ZBTB41: variants seen among roughly 807,000 people sequenced by gnomAD.
The protein encoded by ZBTB41 is zinc finger and BTB domain-containing protein 41.
ZBTB41 carries 42 observed loss-of-function variants against 87.6 expected under a neutral mutation model. The observed-to-expected ratio is 0.48, with a 90% CI of 0.37 to 0.62. ZBTB41 has a LOEUF of 0.62. Among genes scored for constraint, ZBTB41 ranks in the 20% least tolerant of loss-of-function variants. ZBTB41 has a pLI of 0.00. For missense variants in ZBTB41, 799 were observed against 1,078.9 expected (o/e 0.74, Z 3.63); for synonymous variants, 364 against 364.0 (o/e 1.00, Z 0.00).
At position 197,188,205 on chromosome 1, in the gene ZBTB41, A is replaced by G; in HGVS notation, c.1546+87T>C. ...TCTTAAAAAGTCTTTTAGAAGAAAA[A>G]GAGTAATTCAGCTATAGAAGGCTCC... is the stretch of plus-strand genomic sequence containing the variant. On this transcript the variant is annotated intron_variant, in intron 5 of 10. Coordinates refer to ENST00000367405, the MANE Select transcript of ZBTB41 (RefSeq NM_194314.3). 3.4e-6 allele frequency: 5 copies of G among 1,466,216 alleles called. No homozygotes were observed. The South Asian group carries it at 6.2e-5, about 18-fold the overall frequency. The allele number at this position is 1,466,216 out of a possible 1,614,324, so 90.8% of individuals were successfully genotyped here. A position where few individuals can be genotyped will look rare whatever the true frequency, so the allele number is the denominator to read the frequency against.
chr1:197,181,182 T>C (rs1276823269), intron 5 of ZBTB41, 65 bp from the exon 6 acceptor site: 3 of 1,454,720 alleles, frequency 2.1e-6, no homozygotes, highest in Non-Finnish European at 1.8e-6. Flanking sequence ...TTAAATTTAA[T>C]AGGTATGCTG....
rs1659665540 is a variant in ZBTB41 at position 197,178,480 on chromosome 1, C to T, written c.1709G>A (p.Ser570Asn). The change falls in exon 7 of 11, where the codon AGT becomes AAT. Residue 570 changes from serine to asparagine, a missense_variant. By Grantham distance (46) the Ser-to-Asn change is conservative. This residue lies in a region of ZBTB41 where 198 missense variants were observed against 358.4 expected (regional missense o/e 0.55). Coordinates refer to ENST00000367405, the MANE Select transcript of ZBTB41 (RefSeq NM_194314.3). Reference sequence around the variant, plus strand: ...ACTACAAAGGTGAGGCTTTTCTCCACTGTGGATTCTCAAATGTTCTTTCAA... The same window carrying T: ...ACTACAAAGGTGAGGCTTTTCTCCATTGTGGATTCTCAAATGTTCTTTCAA... Reference protein sequence around the residue: ...TTLKEHLRIHSGEKPHLCSIC... With the variant: ...TTLKEHLRIHNGEKPHLCSIC... The T allele has an allele frequency of 6.2e-7, 1 of 1,607,116 alleles. No homozygotes were observed. The highest frequency in any genetic ancestry group is 8.5e-7 in the Non-Finnish European group (1 of 1,176,844).
rs1659128175 is a variant in ZBTB41 at position 197,158,692 on chromosome 1, C to T, written c.*667G>A. On this transcript the variant is annotated 3_prime_UTR_variant, in exon 11 of 11. Transcript: ENST00000367405. ...TTATTCATAACAATTGAAGTATAGG[C>T]AAAAACCAATTATCTGGATTATTAT... 1 of 151,878 alleles carries T rather than the reference C, an allele frequency of 6.6e-6. No homozygotes were observed. The highest frequency in any genetic ancestry group is 2.4e-5 in the African/African-American group (1 of 41,390). The allele number at this position is 151,878 out of a possible 1,614,324, so 9.4% of individuals were successfully genotyped here. A position where few individuals can be genotyped will look rare whatever the true frequency, so the allele number is the denominator to read the frequency against.
At chr1:197,179,770 A>G (rs984802766) in intron 6 of ZBTB41, among the ~76,000 whole-genome samples, 32 of 152,122 alleles carry the variant, frequency 2.1e-4, no homozygotes, top group African/African-American at 7.2e-4. Context: ...AAAGTAAAAC[A>G]TAAAAAATTT....
chr1:197,195,814 C>T (rs1397800466), intron 2 of ZBTB41, among the ~76,000 whole-genome samples: 1 of 151,998 alleles, frequency 6.6e-6, no homozygotes. Context: ...TGATAATTTG[C>T]TGAGAGGAAG....
At position 197,154,430 on chromosome 1, in the gene ZBTB41, T is replaced by C. The variant is rs1197457552; in HGVS notation, c.*4929A>G. 2.6e-5 allele frequency: 4 copies of C among 152,132 alleles called. No homozygotes were observed. Among genetic ancestry groups the C allele is most frequent in the Admixed American group, 6.5e-5 (1 of 15,270 alleles). 9.4% of individuals were successfully genotyped at this position (152,132 alleles called of 1,614,324 possible). A position where few individuals can be genotyped will look rare whatever the true frequency, so the allele number is the denominator to read the frequency against. Reference sequence around the variant, plus strand: ...CTGCATAGGCTAAATTTAAATTGTTTTAGGATTTTTCTCAAGATCATAGAT... The same window carrying C: ...CTGCATAGGCTAAATTTAAATTGTTCTAGGATTTTTCTCAAGATCATAGAT... On this transcript the variant is annotated 3_prime_UTR_variant, in exon 11 of 11. Coordinates refer to ENST00000367405, the MANE Select transcript of ZBTB41 (RefSeq NM_194314.3).
At chr1:197,179,444 T>C (rs1011854985) in intron 6 of ZBTB41, among the ~76,000 whole-genome samples, 23 of 152,252 alleles carry the variant, frequency 1.5e-4, no homozygotes, top group Middle Eastern at 3.4e-3. Flanking sequence ...TAATTATTGA[T>C]AATGATAAGC....
intron 3 of ZBTB41, among the ~76,000 whole-genome samples, chr1:197,191,302 A>G (rs573047416): frequency 1.2e-4 from 18 of 151,944 alleles, no homozygotes; most frequent in Admixed American, 1.1e-3. Context: ...TCTACAAAAA[A>G]TACAAAAATT....
At chr1:197,179,383 C>T (rs1176635102) in intron 6 of ZBTB41, among the ~76,000 whole-genome samples, 1 of 152,064 alleles carries the variant, frequency 6.6e-6, no homozygotes, top group African/African-American at 2.4e-5. Flanking sequence ...GACAAACATA[C>T]TACATTGCCA....
chr1:197,196,453 A>C lies in ZBTB41; in HGVS notation c.1120+2901T>G, dbSNP rs558462255. Among the ~76,000 whole-genome samples, 4 of 152,202 alleles carry C rather than the reference A, an allele frequency of 2.6e-5. No homozygotes were observed. The East Asian group carries it at 7.7e-4, about 29-fold the overall frequency. ...CCACTCCCAACGCCACTCATCTTCC[A>C]AGTCTAAGCTACATTATCATTCTGG... On this transcript the variant is annotated intron_variant, in intron 2 of 10. Transcript: ENST00000367405.
rs779077470 is a variant in ZBTB41, at chr1:197,199,474, CTTCTT to C, written c.995_999del (p.Glu332GlyfsTer3). 1 of 1,613,298 alleles carries C rather than the reference CTTCTT, an allele frequency of 6.2e-7. No homozygotes were observed. The highest frequency in any genetic ancestry group is 8.5e-7 in the Non-Finnish European group (1 of 1,179,802). On this transcript the variant is annotated frameshift_variant, in exon 2 of 11. Coordinates refer to ENST00000367405, the MANE Select transcript of ZBTB41 (RefSeq NM_194314.3). LOFTEE classifies it high-confidence loss of function. ...CCTACAGAATCACCAGCCTCAGGTTCTTCTTCTGCATCATTATGATCCTTTTCACT... is the reference window on the plus strand; with the variant it reads ...CCTACAGAATCACCAGCCTCAGGTTCCTGCATCATTATGATCCTTTTCACT...
chr1:197,167,979 T>C (rs1023645325), intron 10 of ZBTB41, among the ~76,000 whole-genome samples: 1 of 152,116 alleles, frequency 6.6e-6, no homozygotes, highest in Admixed American at 6.5e-5. Context: ...AATGAACCTG[T>C]CATTATTCAC....
chr1:197,162,291 A>C (rs1659221445), intron 10 of ZBTB41, among the ~76,000 whole-genome samples: 1 of 152,188 alleles, frequency 6.6e-6, no homozygotes, highest in South Asian at 2.1e-4. Context: ...TAAAGAAATA[A>C]ACCTTCTACA....
In ZBTB41 at chr1:197,158,975, C is replaced by T; in HGVS notation, c.*384G>A. On this transcript the variant is annotated 3_prime_UTR_variant, in exon 11 of 11. Coordinates refer to ENST00000367405, the MANE Select transcript of ZBTB41 (RefSeq NM_194314.3). ...ATTCCTTCTTAAAGGCTACATGGTCCTCAAACTTGTTTGTAAGAAGGGCTA... is the reference window on the plus strand; with the variant it reads ...ATTCCTTCTTAAAGGCTACATGGTCTTCAAACTTGTTTGTAAGAAGGGCTA... 5.3e-6 allele frequency: 1 copy of T among 190,266 alleles called. No homozygotes were observed. The highest frequency in any genetic ancestry group is 1.1e-5 in the Non-Finnish European group (1 of 91,918). The allele number at this position is 190,266 out of a possible 1,614,324, so 11.8% of individuals were successfully genotyped here.
rs1219799421 is a variant in ZBTB41, at chr1:197,200,318, C to T, written c.156G>A (p.Gln52=). The T allele has an allele frequency of 4.3e-6, 7 of 1,613,992 alleles. No individual in the cohort carries two copies. Among genetic ancestry groups the T allele is most frequent in the Non-Finnish European group, 5.9e-6 (7 of 1,180,030 alleles). The stretch of plus-strand genomic sequence containing the variant: ...TCTGATCTGGAGAGGGAGGAAGTTC[C>T]TGGTAACAGTGAAGAGCTTCAGGAG... ...RPTPEALHCY[Q]ELPPSPDQRK... The change falls in exon 2 of 11, where the codon CAG becomes CAA. Residue 52 remains glutamine (Q), a synonymous_variant. Coordinates refer to ENST00000367405, the MANE Select transcript of ZBTB41 (RefSeq NM_194314.3).
intron 10 of ZBTB41, among the ~76,000 whole-genome samples, chr1:197,165,526 C>T (rs1304514923): frequency 6.6e-6 from 1 of 150,912 alleles, no homozygotes; most frequent in Non-Finnish European, 1.5e-5. Context: ...GGGAGAATGG[C>T]GTCAACCCGG....
chr1:197,154,624 A>T lies in ZBTB41; in HGVS notation c.*4735T>A, dbSNP rs1659024231. 6.6e-6 allele frequency: 1 copy of T among 152,074 alleles called. No homozygotes were observed. The highest frequency in any genetic ancestry group is 1.5e-5 in the Non-Finnish European group (1 of 67,918). 9.4% of individuals were successfully genotyped at this position (152,074 alleles called of 1,614,324 possible). On this transcript the variant is annotated 3_prime_UTR_variant, in exon 11 of 11. Transcript: ENST00000367405. ...AAAGCATGCTAAGATTATAGGGAAA[A>T]GGTATCTTAAGTAAAAACAATTTTA...
rs67302873 is a variant in ZBTB41 at position 197,175,431 on chromosome 1, A to AATATAT, written c.1880-322_1880-317dup. Among the ~76,000 whole-genome samples, 116 of 71,592 alleles carry AATATAT rather than the reference A, an allele frequency of 1.6e-3. 12 individuals are homozygous for AATATAT. Among genetic ancestry groups the AATATAT allele is most frequent in the Admixed American group, 2.5e-3 (13 of 5,136 alleles). 47.0% of individuals were successfully genotyped at this position (71,592 alleles called of 152,430 possible). A position where few individuals can be genotyped will look rare whatever the true frequency, so the allele number is the denominator to read the frequency against. On this transcript the variant is annotated intron_variant, in intron 8 of 10. Transcript: ENST00000367405. ...ACTACTTCAAAACTTAGGAATTTTAAATATATATATATATATATGTCTGTA... is the reference window on the plus strand; with the variant it reads ...ACTACTTCAAAACTTAGGAATTTTAAATATATATATATATATATATATATGTCTGTA...
chr1:197,176,762 C>G (rs892661085), intron 7 of ZBTB41, 92 bp from the exon 8 acceptor site: 2 of 905,110 alleles, frequency 2.2e-6, no homozygotes, highest in African/African-American at 1.7e-5. Context: ...ACAATGAAAA[C>G]TGGGCTGTCT....
Sources: gnomAD v4.1 joint callset for allele counts (sites outside exome capture counted in the v4.1 genomes callset) on GRCh38, gnomAD v4.1.1 for gene constraint, gnomAD v4.1.1 regional missense constraint, MANE v1.5 for transcripts, NCBI Gene and HGNC (gene_info 2026-07-23, HGNC 2026-07-21) for gene names.